TTC13: variants seen among roughly 807,000 people sequenced by gnomAD.
TTC13 encodes tetratricopeptide repeat protein 13.
In TTC13, 62 loss-of-function variants were observed where a neutral mutation model predicts 120.0. That is an observed-to-expected ratio of 0.52 (90% CI 0.42 to 0.64). The LOEUF (loss-of-function observed/expected upper bound fraction) is 0.64, where lower values mean the gene tolerates loss of function less well. TTC13 is among the 30% of genes least tolerant of loss of function. The pLI, the probability that TTC13 is intolerant of heterozygous loss-of-function variation, is 0.00. For synonymous variants in TTC13, 384 were observed against 393.5 expected, an observed-to-expected ratio of 0.98 and a Z score of 0.28; for missense variants, 824 against 1,050.2, an observed-to-expected ratio of 0.78 and a Z score of 2.98.
intron 4 of TTC13, among the ~76,000 whole-genome samples, chr1:230,951,156 A>T (rs1055724934): frequency 1.3e-5 from 2 of 152,210 alleles, no homozygotes; most frequent in Admixed American, 1.3e-4. Context: ...CTGATGGTGA[A>T]ACCAAGACAA....
chr1:230,908,410 G>T, intron 22 of TTC13: 1 of 483,328 alleles, frequency 2.1e-6, no homozygotes, highest in Non-Finnish European at 4.0e-6. Context: ...GGCTGGTCTC[G>T]AACTCCTGGC....
At chr1:230,951,874 A>G (rs1675619783) in intron 4 of TTC13, among the ~76,000 whole-genome samples, 1 of 152,210 alleles carries the variant, frequency 6.6e-6, no homozygotes, top group Admixed American at 6.5e-5. Flanking sequence ...CAATTGGAGA[A>G]GAAGCAATAA....
intron 3 of TTC13, among the ~76,000 whole-genome samples, chr1:230,957,772 A>C (rs1676235100): frequency 6.6e-6 from 1 of 151,852 alleles, no homozygotes; most frequent in South Asian, 2.1e-4. Context: ...GAATGAATTC[A>C]ATTTTTCTAC....
chr1:230,958,181 T>C, intron 3 of TTC13, 43 bp downstream of exon 3: 1 of 1,601,800 alleles, frequency 6.2e-7, no homozygotes, highest in Non-Finnish European at 8.5e-7. Context: ...AACCAAAACT[T>C]TGAGGCAAAT....
chr1:230,947,992 C>T (rs1180034877), intron 4 of TTC13, among the ~76,000 whole-genome samples: 1 of 152,104 alleles, frequency 6.6e-6, no homozygotes, highest in Non-Finnish European at 1.5e-5. Flanking sequence ...TCTAAGCCTT[C>T]CTCTCTCACC....
chr1:230,964,387 C>T (rs940570719), intron 1 of TTC13, among the ~76,000 whole-genome samples: 13 of 152,054 alleles, frequency 8.5e-5, no homozygotes, highest in Non-Finnish European at 2.9e-5. Flanking sequence ...AATTTCATTC[C>T]TACTAGAAGT....
At chr1:230,951,664 T>C (rs544422020) in intron 4 of TTC13, among the ~76,000 whole-genome samples, 1 of 152,284 alleles carries the variant, frequency 6.6e-6, no homozygotes, top group South Asian at 2.1e-4. Context: ...GCTGAAATAC[T>C]GGATATGAAA....
At position 230,954,328 on chromosome 1, in the gene TTC13, T is replaced by G. The variant is rs759771917; in HGVS notation, c.513+5A>C. 2.1e-5 allele frequency: 34 copies of G among 1,609,086 alleles called. No individual in the cohort carries two copies. The Admixed American group carries it at 5.0e-4, about 24-fold the overall frequency. On this transcript the variant is annotated splice_donor_5th_base_variant and intron_variant, in intron 4 of 22. Coordinates refer to ENST00000366661, the MANE Select transcript of TTC13 (RefSeq NM_024525.5). ...CAAAATTACATAAATAAGAAGAAAA[T>G]TTACCTGAAGCATTGTTGAAAAATG...
chr1:230,916,151 G>A, intron 18 of TTC13, 42 bp downstream of exon 18: 1 of 1,432,556 alleles, frequency 7.0e-7, no homozygotes, highest in Non-Finnish European at 9.9e-7. Flanking sequence ...CACCCTTCCT[G>A]CCTCGTCTCT....
At position 230,965,717 on chromosome 1, in the gene TTC13, A is replaced by G. The variant is rs533668581; in HGVS notation, c.272-4414T>C. Among the ~76,000 whole-genome samples the G allele has an allele frequency of 5.3e-5, 8 of 152,324 alleles. No individual in the cohort carries two copies. The South Asian group carries it at 1.7e-3, about 32-fold the overall frequency. ...TACAATAGCTCACTCTGACACCCAGACTAGAGTGCAGTGGCACGATCTCGG... is the reference window on the plus strand; with the variant it reads ...TACAATAGCTCACTCTGACACCCAGGCTAGAGTGCAGTGGCACGATCTCGG... On this transcript the variant is annotated intron_variant, in intron 1 of 22. Coordinates refer to ENST00000366661, the MANE Select transcript of TTC13 (RefSeq NM_024525.5).
chr1:230,950,427 G>T (rs6698588), intron 4 of TTC13, among the ~76,000 whole-genome samples: 103,322 of 151,448 alleles, frequency 0.68, 35,269 homozygotes, highest in Admixed American at 0.72. Flanking sequence ...GTCTCAATTC[G>T]CAAAAAAAAA....
At chr1:230,915,778 TC>T (rs1671955022) in intron 18 of TTC13, among the ~76,000 whole-genome samples, 5 of 97,178 alleles carry the variant, frequency 5.1e-5, no homozygotes, top group South Asian at 2.7e-4. Flanking sequence ...AAAGCTGTTT[TC>T]TCTCTCTCTC....
chr1:230,951,142 T>C (rs768075172), intron 4 of TTC13, among the ~76,000 whole-genome samples: 3 of 152,212 alleles, frequency 2.0e-5, no homozygotes, highest in Non-Finnish European at 4.4e-5. Context: ...CCCAGGTTTG[T>C]AACCTGATGG....
At chr1:230,972,580 G>A (rs552986573) in intron 1 of TTC13, among the ~76,000 whole-genome samples, 1 of 152,320 alleles carries the variant, frequency 6.6e-6, no homozygotes, top group East Asian at 1.9e-4. Context: ...TGAGTGCAGT[G>A]AAGCTAAACT....
chr1:230,957,700 C>T (rs2102950747), intron 3 of TTC13, among the ~76,000 whole-genome samples: 1 of 152,288 alleles, frequency 6.6e-6, no homozygotes, highest in South Asian at 2.1e-4. Flanking sequence ...CTGACACTGA[C>T]AAAACCAGCC....
Position 230,911,489 on chromosome 1 carries a change from G to T in TTC13, c.2290C>A (p.Pro764Thr). Residue 764 changes from proline to threonine, a missense_variant, in exon 20 of 23, where the codon CCA (proline) becomes ACA (threonine). By Grantham distance (38) the Pro-to-Thr change is conservative. This residue lies in a region of TTC13 where 226 missense variants were observed against 259.1 expected (regional missense o/e 0.87). Transcript: ENST00000366661. ...SLVYYFYNLM[P>T]LSRGSSVIAY... The stretch of plus-strand genomic sequence containing the variant: ...ACTTACCTGGATCCTCGAGAGAGTG[G>T]CATTAAATTATAAAAGTAATAAACT... 3 of 1,600,064 alleles carry T rather than the reference G, an allele frequency of 1.9e-6. No individual in the cohort carries two copies.
At chr1:230,973,951 C>G (rs1194503144) in intron 1 of TTC13, among the ~76,000 whole-genome samples, 3 of 151,914 alleles carry the variant, frequency 2.0e-5, no homozygotes, top group Non-Finnish European at 4.4e-5. Context: ...GTGGCAGGCG[C>G]CTGTAATTCC....
In TTC13 at chr1:230,921,541, A is replaced by C. The variant is rs9432260; in HGVS notation, c.1815-37T>G. 164,248 of 1,066,088 alleles carry C rather than the reference A, an allele frequency of 0.15. 12,794 individuals are homozygous for C. Among genetic ancestry groups the C allele is most frequent in the Non-Finnish European group, 0.17 (125,260 of 737,594 alleles). 66.0% of individuals were successfully genotyped at this position (1,066,088 alleles called of 1,614,324 possible). The stretch of plus-strand genomic sequence containing the variant: ...AAATAATAAAATTAAGAATATTTTT[A>C]TAGAAGAATATGCTCAAGCCAACAT... On this transcript the variant is annotated intron_variant, in intron 15 of 22. Transcript: ENST00000366661.
intron 1 of TTC13, among the ~76,000 whole-genome samples, chr1:230,969,555 T>C (rs10779800): frequency 0.72 from 109,096 of 152,112 alleles, 39,476 homozygotes; most frequent in South Asian, 0.82. Flanking sequence ...TGTCTAATCT[T>C]AAGCAGTATT....
Sources: allele counts gnomAD v4.1 joint callset (sites outside exome capture counted in the v4.1 genomes callset), GRCh38; gene constraint gnomAD v4.1.1; regional missense constraint gnomAD v4.1.1; transcripts MANE v1.5; gene names NCBI Gene and HGNC (gene_info 2026-07-23, HGNC 2026-07-21).